Variants in GALNT13 observed in about 807,000 individuals in gnomAD.
The protein encoded by GALNT13 is UDP-GalNAc:polypeptide N-acetylgalactosaminyltransferase 13.
GALNT13 carries 28 observed loss-of-function variants against 64.2 expected under a neutral mutation model. The ratio of observed to expected loss-of-function variants is 0.44; its 90% CI spans 0.32 to 0.60. GALNT13 has a LOEUF of 0.60. Ranked by LOEUF, GALNT13 falls within the 20% of genes least tolerant of loss-of-function variation. The probability of loss-of-function intolerance (pLI) is 0.05; values close to 1 mark genes in which losing one functional copy is unlikely to be tolerated. For synonymous variants in GALNT13, 214 were observed against 224.6 expected (o/e 0.95, Z 0.42); for missense variants, 577 against 669.8 (o/e 0.86, Z 1.53).
the GALNT13 span, among the ~76,000 whole-genome samples, chr2:153,120,861 G>A: frequency 1.1e-4 from 16 of 152,234 alleles, no homozygotes; most frequent in African/African-American, 3.6e-4. Flanking sequence ...TTCTGTTAAC[G>A]AGAGTGAAGC....
chr2:153,923,885 G>A (rs2105342128), intron 2 of GALNT13, among the ~76,000 whole-genome samples: 1 of 151,922 alleles, frequency 6.6e-6, no homozygotes, highest in South Asian at 2.1e-4. Context: ...ATTTTTTATG[G>A]CTGCATAGTA....
intron 12 of GALNT13, among the ~76,000 whole-genome samples, chr2:154,441,998 T>A (rs1020377772): frequency 6.6e-6 from 1 of 152,156 alleles, no homozygotes; most frequent in Non-Finnish European, 1.5e-5. Context: ...ATTTTTCTAC[T>A]ACACTACATT....
chr2:153,948,254 G>C (rs911206907), intron 3 of GALNT13, among the ~76,000 whole-genome samples: 1 of 147,854 alleles, frequency 6.8e-6, no homozygotes. Context: ...AAAAAAAAAA[G>C]CTCAACATGA....
chr2:153,143,685 A>C, the GALNT13 span, among the ~76,000 whole-genome samples: 1 of 152,010 alleles, frequency 6.6e-6, no homozygotes, highest in Non-Finnish European at 1.5e-5. Flanking sequence ...CTATATTACA[A>C]ATGTTACTAG....
At chr2:154,151,417 G>A (rs11890349) in intron 4 of GALNT13, among the ~76,000 whole-genome samples, 1,957 of 152,254 alleles carry the variant, frequency 0.013, 37 homozygotes, top group African/African-American at 0.044. Flanking sequence ...TTGATTTGGC[G>A]TGGAGAGTTC....
chr2:153,966,685 T>A (rs1215951532), intron 3 of GALNT13, among the ~76,000 whole-genome samples: 2 of 151,942 alleles, frequency 1.3e-5, no homozygotes, highest in East Asian at 3.9e-4. Flanking sequence ...TTTTTTTTTA[T>A]CCTTGACCTT....
intron 8 of GALNT13, among the ~76,000 whole-genome samples, chr2:154,271,106 C>T (rs1039088197): frequency 6.6e-6 from 1 of 151,888 alleles, no homozygotes; most frequent in African/African-American, 2.4e-5. Flanking sequence ...AACTTTTTCT[C>T]CTACTCAGAC....
At chr2:153,480,699 A>T in the GALNT13 span, among the ~76,000 whole-genome samples, 731 of 152,338 alleles carry the variant, frequency 4.8e-3, 22 homozygotes, top group East Asian at 0.071. Context: ...GGCAATATAA[A>T]GTCATCCTGA....
At chr2:153,264,486 T>G in the GALNT13 span, among the ~76,000 whole-genome samples, 250 of 152,294 alleles carry the variant, frequency 1.6e-3, 7 homozygotes, top group East Asian at 0.043. Flanking sequence ...ATACATGCAC[T>G]TGTATGCTCA....
the GALNT13 span, among the ~76,000 whole-genome samples, chr2:153,614,912 T>C: frequency 1.3e-5 from 2 of 152,090 alleles, no homozygotes; most frequent in Admixed American, 6.6e-5. Flanking sequence ...TTTTAAAATA[T>C]ACAATTAAGT....
At chr2:154,062,034 T>C (rs1259806399) in intron 3 of GALNT13, among the ~76,000 whole-genome samples, 1 of 152,212 alleles carries the variant, frequency 6.6e-6, no homozygotes. Context: ...AAAATATCAC[T>C]GTACTTGTAC....
At chr2:153,964,878 GT>G (rs1183593010) in intron 3 of GALNT13, among the ~76,000 whole-genome samples, 2 of 151,760 alleles carry the variant, frequency 1.3e-5, no homozygotes, top group Non-Finnish European at 2.9e-5. Flanking sequence ...TAAAAATATG[GT>G]TTTAATGGCC....
At chr2:154,442,140 A>G (rs888367433) in intron 12 of GALNT13, among the ~76,000 whole-genome samples, 3 of 152,116 alleles carry the variant, frequency 2.0e-5, no homozygotes, top group Non-Finnish European at 2.9e-5. Flanking sequence ...CCAAATTTTG[A>G]ACTAAAATTT....
the GALNT13 span, among the ~76,000 whole-genome samples, chr2:153,144,949 A>C: frequency 6.6e-6 from 1 of 151,968 alleles, no homozygotes; most frequent in South Asian, 2.1e-4. Context: ...TATGCTTATC[A>C]TAATGTCTGA....
At chr2:154,155,648 G>T (rs1032998296) in intron 4 of GALNT13, among the ~76,000 whole-genome samples, 31 of 151,946 alleles carry the variant, frequency 2.0e-4, no homozygotes, top group Non-Finnish European at 1.5e-4. Context: ...GTTAGCATCT[G>T]TCTAAAAATT....
At chr2:153,430,965 C>G in the GALNT13 span, among the ~76,000 whole-genome samples, 1 of 151,878 alleles carries the variant, frequency 6.6e-6, no homozygotes, top group African/African-American at 2.4e-5. Flanking sequence ...GCCTGGCCAA[C>G]ATGGTGAAAC....
At chr2:154,105,823 A>G (rs915431196) in intron 3 of GALNT13, among the ~76,000 whole-genome samples, 1 of 152,202 alleles carries the variant, frequency 6.6e-6, no homozygotes, top group African/African-American at 2.4e-5. Flanking sequence ...TGTGCAGTGA[A>G]GAGACTAAAT....
the GALNT13 span, among the ~76,000 whole-genome samples, chr2:153,328,830 G>A: frequency 1.3e-5 from 2 of 151,920 alleles, no homozygotes; most frequent in African/African-American, 4.8e-5. Context: ...TGTCTTGCTG[G>A]CATTTCAGGT....
the GALNT13 span, among the ~76,000 whole-genome samples, chr2:153,215,703 A>C: frequency 6.6e-6 from 1 of 151,668 alleles, no homozygotes; most frequent in African/African-American, 2.4e-5. Flanking sequence ...TGTTGGTGTG[A>C]ATTTCTATGT....
Sources: gnomAD v4.1 joint callset for allele counts (sites outside exome capture counted in the v4.1 genomes callset) on GRCh38, gnomAD v4.1.1 for gene constraint, MANE v1.5 for transcripts, NCBI Gene and HGNC (gene_info 2026-07-23, HGNC 2026-07-21) for gene names.